ZIC5: variants seen among roughly 807,000 people sequenced by gnomAD.
ZIC5 encodes Zic family zinc finger 5.
A neutral mutation model predicts 28.5 loss-of-function variants in ZIC5; 20 were observed. The ratio of observed to expected loss-of-function variants is 0.70; its 90% CI spans 0.49 to 1.02. The LOEUF (loss-of-function observed/expected upper bound fraction) is 1.02. Ranked by LOEUF, ZIC5 falls within the 50% of genes least tolerant of loss-of-function variation. ZIC5 has a pLI of 0.00. For missense variants in ZIC5, 951 were observed against 899.7 expected, an observed-to-expected ratio of 1.06 and a Z score of -0.73; for synonymous variants, 488 against 410.4, an observed-to-expected ratio of 1.19 and a Z score of -2.29.
In ZIC5 at chr13:99,971,698, C is replaced by A; in HGVS notation, c.-95G>T. 6.4e-7 allele frequency: 1 copy of A among 1,551,386 alleles called. No individual in the cohort carries two copies. Among genetic ancestry groups the A allele is most frequent in the Non-Finnish European group, 8.7e-7 (1 of 1,147,136 alleles). Reference sequence around the variant, plus strand: ...CATGTATGTATTGGGCGCTCTTTAACTTCTTTTGTCCTGGCCTCTTAACTC... The same window carrying A: ...CATGTATGTATTGGGCGCTCTTTAAATTCTTTTGTCCTGGCCTCTTAACTC... On this transcript the variant is annotated 5_prime_UTR_variant, in exon 1 of 2. Transcript: ENST00000267294.
intron 1 of ZIC5, among the ~76,000 whole-genome samples, chr13:99,966,240 A>G (rs1251524386): frequency 6.6e-6 from 1 of 152,228 alleles, no homozygotes; most frequent in Non-Finnish European, 1.5e-5. Context: ...CCAAAGCCAC[A>G]GGCGGAAGTA....
Position 99,970,516 on chromosome 13 carries a change from T to A in ZIC5, c.1088A>T (p.Tyr363Phe). ...LPGAAGAFLR[Y>F]MRQPIKQELI... The stretch of plus-strand genomic sequence containing the variant: ...CTCCTGCTTGATTGGCTGCCGCATG[T>A]AGCGCAGGAAGGCCCCAGCCGCCCC... Residue 363 changes from tyrosine (Y) to phenylalanine (F), a missense_variant, in exon 1 of 2, where the codon TAC becomes TTC. By Grantham distance (22) the Tyr-to-Phe change is conservative (BLOSUM62 3). Transcript: ENST00000267294. 8.9e-7 allele frequency: 1 copy of A among 1,126,668 alleles called. No individual in the cohort carries two copies. The highest frequency in any genetic ancestry group is 1.1e-6 in the Non-Finnish European group (1 of 912,712). The allele number at this position is 1,126,668 out of a possible 1,614,324, so 69.8% of individuals were successfully genotyped here.
intron 1 of ZIC5, among the ~76,000 whole-genome samples, chr13:99,968,909 C>A (rs2053122823): frequency 6.6e-6 from 1 of 152,174 alleles, no homozygotes; most frequent in African/African-American, 2.4e-5. Flanking sequence ...ACGCTGCTGC[C>A]CCCGCAGAGC....
Position 99,971,678 on chromosome 13 carries a change from A to G in ZIC5, c.-75T>C. The G allele has an allele frequency of 3.2e-6, 5 of 1,553,886 alleles. No homozygotes were observed. Among genetic ancestry groups the G allele is most frequent in the Non-Finnish European group, 3.5e-6 (4 of 1,148,032 alleles). Reference sequence around the variant, plus strand: ...CCTCTGCCCGCCTTCAAAAACATGTATGTATTGGGCGCTCTTTAACTTCTT... The same window carrying G: ...CCTCTGCCCGCCTTCAAAAACATGTGTGTATTGGGCGCTCTTTAACTTCTT... On this transcript the variant is annotated 5_prime_UTR_variant, in exon 1 of 2. Coordinates refer to ENST00000267294, the MANE Select transcript of ZIC5 (RefSeq NM_033132.5).
rs1555330848 is a variant in ZIC5, at chr13:99,965,170, G to GAAGA, written c.*206_*207insTCTT. ...TGGTTGTTTTTTGTTTGTTTTTTAA[G>GAAGA]AAAAAAAAAAAAAAAAGCCCAAATA... On this transcript the variant is annotated 3_prime_UTR_variant, in exon 2 of 2. Coordinates refer to ENST00000267294, the MANE Select transcript of ZIC5 (RefSeq NM_033132.5). The GAAGA allele has an allele frequency of 4.8e-6, 1 of 207,576 alleles. No homozygotes were observed. The highest frequency in any genetic ancestry group is 3.0e-5 in the African/African-American group (1 of 33,358). The allele number at this position is 207,576 out of a possible 1,614,324, so 12.9% of individuals were successfully genotyped here.
At position 99,971,713 on chromosome 13, in the gene ZIC5, C is replaced by A; in HGVS notation, c.-110G>T. 3 of 1,549,718 alleles carry A rather than the reference C, an allele frequency of 1.9e-6. No homozygotes were observed. The highest frequency in any genetic ancestry group is 1.2e-5 in the South Asian group (1 of 84,030). On this transcript the variant is annotated 5_prime_UTR_variant, in exon 1 of 2. Transcript: ENST00000267294. The stretch of plus-strand genomic sequence containing the variant: ...CGCTCTTTAACTTCTTTTGTCCTGG[C>A]CTCTTAACTCTGCTTATTCCTGTTC...
Position 99,965,343 on chromosome 13 carries a change from T to G in ZIC5, c.*34A>C, listed in dbSNP as rs1220908816. 1.3e-6 allele frequency: 2 copies of G among 1,576,908 alleles called. No homozygotes were observed. The highest frequency in any genetic ancestry group is 1.7e-6 in the Non-Finnish European group (2 of 1,162,752). On this transcript the variant is annotated 3_prime_UTR_variant, in exon 2 of 2. Coordinates refer to ENST00000267294, the MANE Select transcript of ZIC5 (RefSeq NM_033132.5). Reference sequence around the variant, plus strand: ...TAGGATGTGGTCCAAGGACTCCCACTTATTATTTCACTTATTATTATTAAT... The same window carrying G: ...TAGGATGTGGTCCAAGGACTCCCACGTATTATTTCACTTATTATTATTAAT...
In ZIC5 at chr13:99,970,937, T is replaced by C; in HGVS notation, c.667A>G (p.Thr223Ala). Residue 223 changes from threonine (T) to alanine (A), a missense_variant, in exon 1 of 2, where the codon ACC (threonine) becomes GCC (alanine). By Grantham distance (58) the Thr-to-Ala change is moderately conservative (BLOSUM62 0). This residue lies in a region of ZIC5 where 784 missense variants were observed against 660.1 expected (regional missense o/e 1.19). Coordinates refer to ENST00000267294, the MANE Select transcript of ZIC5 (RefSeq NM_033132.5). ...CCGCTGCCGTCCGGGCCCGCGTAGG[T>C]GCCGCTGGCGGAGATGAACATGCCG... ...SAGMFISASG[T>A]YAGPDGSGGP... 7.2e-7 allele frequency: 1 copy of C among 1,389,074 alleles called. No individual in the cohort carries two copies. The highest frequency in any genetic ancestry group is 1.5e-5 in the African/African-American group (1 of 64,820). 86.0% of individuals were successfully genotyped at this position (1,389,074 alleles called of 1,614,324 possible).
rs1237074885 is a variant in ZIC5, at chr13:99,970,871, C to T, written c.733G>A (p.Ala245Thr). The change falls in exon 1 of 2, where the codon GCC becomes ACC. Residue 245 changes from alanine to threonine, a missense_variant. By Grantham distance (58) the Ala-to-Thr change is moderately conservative. Around this residue, in one of 3 missense-constraint regions of ZIC5, gnomAD observed 784 missense variants for 660.1 expected, o/e 1.19. Transcript: ENST00000267294. ...LFPALHDTPG[A>T]PGGHPHPLNG... ...AGCGGGTGCGGGTGGCCGCCTGGGG[C>T]CCCCGGCGTGTCGTGCAGCGCGGGG... is the stretch of plus-strand genomic sequence containing the variant. The T allele has an allele frequency of 3.3e-5, 42 of 1,271,472 alleles. No individual in the cohort carries two copies. The highest frequency in any genetic ancestry group is 3.6e-5 in the Non-Finnish European group (37 of 1,017,242). The allele number at this position is 1,271,472 out of a possible 1,614,324, so 78.8% of individuals were successfully genotyped here. A position where few individuals can be genotyped will look rare whatever the true frequency, so the allele number is the denominator to read the frequency against.
intron 1 of ZIC5, among the ~76,000 whole-genome samples, chr13:99,968,548 G>A (rs1372300168): frequency 6.6e-6 from 1 of 152,030 alleles, no homozygotes; most frequent in African/African-American, 2.4e-5. Flanking sequence ...GCAGCTCCCG[G>A]CAGCCGCCTA....
At position 99,971,570 on chromosome 13, in the gene ZIC5, C is replaced by T; in HGVS notation, c.34G>A (p.Ala12Thr). Residue 12 changes from alanine to threonine, a missense_variant, in exon 1 of 2, where the codon GCG (alanine) becomes ACG (threonine). Ala to Thr is a moderately conservative substitution (Grantham distance 58). Around this residue, in one of 3 missense-constraint regions of ZIC5, gnomAD observed 784 missense variants for 660.1 expected, o/e 1.19. Transcript: ENST00000267294. ...EPPLSKRNPP[A>T]LRLADLATAQ... Reference sequence around the variant, plus strand: ...GTTGCCAAATCCGCTAATCTCAGCGCTGGCGGGTTCCTCTTGCTCAAAGGG... The same window carrying T: ...GTTGCCAAATCCGCTAATCTCAGCGTTGGCGGGTTCCTCTTGCTCAAAGGG... The T allele has an allele frequency of 6.4e-7, 1 of 1,553,426 alleles. No homozygotes were observed. The highest frequency in any genetic ancestry group is 8.7e-7 in the Non-Finnish European group (1 of 1,147,732).
chr13:99,967,371 T>C lies in ZIC5; in HGVS notation c.1478-1552A>G, dbSNP rs542689676. On this transcript the variant is annotated intron_variant, in intron 1 of 1. Coordinates refer to ENST00000267294, the MANE Select transcript of ZIC5 (RefSeq NM_033132.5). ...TATAAAGAGAGAAAAAACAACCCCA[T>C]GATAATCACAACCTCGAAAAATTCT... Among the ~76,000 whole-genome samples, 76 of 152,378 alleles carry C rather than the reference T, an allele frequency of 5.0e-4. 1 individual carries two copies. The South Asian group carries it at 0.015, about 31-fold the overall frequency.
intron 1 of ZIC5, among the ~76,000 whole-genome samples, chr13:99,967,251 A>G (rs1456304313): frequency 6.6e-6 from 1 of 152,254 alleles, no homozygotes; most frequent in African/African-American, 2.4e-5. Context: ...ATCTGAGAGT[A>G]TTCAGGCAGA....
intron 1 of ZIC5, among the ~76,000 whole-genome samples, chr13:99,968,266 T>G (rs962640655): frequency 7.9e-5 from 12 of 152,082 alleles, no homozygotes; most frequent in Non-Finnish European, 1.6e-4. Flanking sequence ...CAAGCGCGGG[T>G]TGGAGTCTGA....
Position 99,970,886 on chromosome 13 carries a change from G to T in ZIC5, c.718C>A (p.His240Asn). ...CCGCCTGGGGCCCCCGGCGTGTCGT[G>T]CAGCGCGGGGAAGAGCGCCGGGCCG... ...SGGPALFPAL[H>N]DTPGAPGGHP... is the part of the protein sequence containing the mutation. The change falls in exon 1 of 2, where the codon CAC (histidine) becomes AAC (asparagine). Residue 240 changes from histidine to asparagine, a missense_variant. Transcript: ENST00000267294. The T allele has an allele frequency of 7.6e-7, 1 of 1,310,948 alleles. No individual in the cohort carries two copies. 81.2% of individuals were successfully genotyped at this position (1,310,948 alleles called of 1,614,324 possible).
In ZIC5 at chr13:99,971,505, C is replaced by T. The variant is rs1469808391; in HGVS notation, c.99G>A (p.Pro33=). ...VQPLQNMTGF[P]ALAGPPAHSQ... ...AGTGGGCGGGCGGGCCGGCCAGCGC[C>T]GGGAAGCCTGTCATATTCTGAAGCG... Residue 33 remains proline, a synonymous_variant, in exon 1 of 2, where the codon CCG becomes CCA. Coordinates refer to ENST00000267294, the MANE Select transcript of ZIC5 (RefSeq NM_033132.5). 2 of 1,551,066 alleles carry T rather than the reference C, an allele frequency of 1.3e-6. No homozygotes were observed. The highest frequency in any genetic ancestry group is 1.7e-6 in the Non-Finnish European group (2 of 1,147,074).
chr13:99,965,197 C>G lies in ZIC5; in HGVS notation c.*180G>C. On this transcript the variant is annotated 3_prime_UTR_variant, in exon 2 of 2. Transcript: ENST00000267294. ...AAAAAAAAAAAAAAAGCCCAAATATCTTAATTAAATTAATTAAATGTACAA... is the reference window on the plus strand; with the variant it reads ...AAAAAAAAAAAAAAAGCCCAAATATGTTAATTAAATTAATTAAATGTACAA... 3.4e-6 allele frequency: 1 copy of G among 296,846 alleles called. No homozygotes were observed. Among genetic ancestry groups the G allele is most frequent in the Non-Finnish European group, 5.8e-6 (1 of 173,546 alleles). The allele number at this position is 296,846 out of a possible 1,614,324, so 18.4% of individuals were successfully genotyped here.
Position 99,970,980 on chromosome 13 carries a change from GGCCGGGTGCTGGGGGGAGCCGGT to G in ZIC5, c.601_623del (p.Thr201ProfsTer63), listed in dbSNP as rs1323878502. 5.0e-6 allele frequency: 7 copies of G among 1,401,566 alleles called. No homozygotes were observed. The highest frequency in any genetic ancestry group is 6.4e-6 in the Non-Finnish European group (7 of 1,090,184). The allele number at this position is 1,401,566 out of a possible 1,614,324, so 86.8% of individuals were successfully genotyped here. A position where few individuals can be genotyped will look rare whatever the true frequency, so the allele number is the denominator to read the frequency against. ...ACATGCCGGCCGAGTGGGGAGGCGG[GGCCGGGTGCTGGGGGGAGCCGGT>G]GCCGGACCGCTGCTCCCCTCCGAGC... On this transcript the variant is annotated frameshift_variant, in exon 1 of 2. Transcript: ENST00000267294. LOFTEE classifies it high-confidence loss of function.
At position 99,970,449 on chromosome 13, in the gene ZIC5, C is replaced by T; in HGVS notation, c.1155G>A (p.Leu385=). The T allele has an allele frequency of 9.5e-7, 1 of 1,051,604 alleles. No homozygotes were observed. The highest frequency in any genetic ancestry group is 1.1e-6 in the Non-Finnish European group (1 of 873,864). 65.1% of individuals were successfully genotyped at this position (1,051,604 alleles called of 1,614,324 possible). A position where few individuals can be genotyped will look rare whatever the true frequency, so the allele number is the denominator to read the frequency against. ...GCGGCGGCGGCGGCGGCGGCGGCGG[C>T]AGCCCGGCCAGCTCGTCGGGGTCGA... ...KWIDPDELAG[L]PPPPPPPPPP... is the part of the protein sequence containing the mutation. Residue 385 remains leucine, a synonymous_variant, in exon 1 of 2, where the codon CTG becomes CTA. Coordinates refer to ENST00000267294, the MANE Select transcript of ZIC5 (RefSeq NM_033132.5).
Sources: allele counts gnomAD v4.1 joint callset (sites outside exome capture counted in the v4.1 genomes callset), GRCh38; gene constraint gnomAD v4.1.1; regional missense constraint gnomAD v4.1.1; transcripts MANE v1.5; gene names NCBI Gene and HGNC (gene_info 2026-07-23, HGNC 2026-07-21).